Variants in PACRG observed in about 807,000 individuals in gnomAD.
PACRG encodes the protein parkin coregulated gene protein.
PACRG carries 29 observed loss-of-function variants against 29.7 expected under a neutral mutation model. The observed-to-expected ratio is 0.98, with a 90% CI of 0.73 to 1.33. PACRG has a LOEUF of 1.33. Among genes scored for constraint, PACRG ranks in the 40% most tolerant of loss-of-function variants. The pLI is 0.00. For missense variants in PACRG, 279 were observed against 316.2 expected (o/e 0.88, Z 0.89); for synonymous variants, 116 against 118.7 (o/e 0.98, Z 0.15).
At chr6:163,253,248 G>A (rs1339650750) in intron 4 of PACRG, among the ~76,000 whole-genome samples, 1 of 150,494 alleles carries the variant, frequency 6.6e-6, no homozygotes, top group South Asian at 2.1e-4. Context: ...TGCAGTGAGG[G>A]GAGATCGCAC....
chr6:163,270,038 G>A (rs1280124248), intron 4 of PACRG, among the ~76,000 whole-genome samples: 1 of 150,610 alleles, frequency 6.6e-6, no homozygotes, highest in Non-Finnish European at 1.5e-5. Flanking sequence ...AAGGAAGGAA[G>A]AAGAGAGAGA....
intron 2 of PACRG, among the ~76,000 whole-genome samples, chr6:162,871,667 C>T (rs1002358841): frequency 6.6e-6 from 1 of 152,074 alleles, no homozygotes; most frequent in Non-Finnish European, 1.5e-5. Context: ...GCCTGTAATC[C>T]CAGCACTTTG....
At chr6:163,065,438 G>A (rs1173639476) in intron 3 of PACRG, among the ~76,000 whole-genome samples, 1 of 152,132 alleles carries the variant, frequency 6.6e-6, no homozygotes, top group African/African-American at 2.4e-5. Flanking sequence ...CTCCGCATAC[G>A]AAATTCAGAA....
intron 4 of PACRG, among the ~76,000 whole-genome samples, chr6:163,270,332 T>C (rs543066342): frequency 3.3e-5 from 5 of 152,312 alleles, no homozygotes. Context: ...AAAATACATA[T>C]GGCTTACTTA....
chr6:163,125,544 T>C (rs1196774470), intron 4 of PACRG, among the ~76,000 whole-genome samples: 1 of 152,064 alleles, frequency 6.6e-6, no homozygotes, highest in Non-Finnish European at 1.5e-5. Context: ...GACCCCTAAA[T>C]AGCTATAAGA....
chr6:162,958,870 TATA>T (rs1222809498), intron 2 of PACRG, among the ~76,000 whole-genome samples: 2 of 69,468 alleles, frequency 2.9e-5, no homozygotes, highest in Non-Finnish European at 5.2e-5. Flanking sequence ...TATATATATA[TATA>T]TATATATATA....
At position 163,264,534 on chromosome 6, in the gene PACRG, G is replaced by C. The variant is rs551150089; in HGVS notation, c.614-50293G>C. ...CAGCCGAAGTCGTTCAAGGGCGACA[G>C]AGCGGTCACAGGTGTGGTTGAGAAG... is the stretch of plus-strand genomic sequence containing the variant. On this transcript the variant is annotated intron_variant, in intron 4 of 4. Coordinates refer to ENST00000366888, the MANE Select transcript of PACRG (RefSeq NM_001080379.2). Among the ~76,000 whole-genome samples the C allele has an allele frequency of 2.4e-4, 36 of 152,344 alleles. 3 individuals carry two copies. In the South Asian group the frequency reaches 7.5e-3, roughly 32 times the overall value.
At position 162,959,080 on chromosome 6, in the gene PACRG, A is replaced by T. The variant is rs1293563134; in HGVS notation, c.292-103070A>T. On this transcript the variant is annotated intron_variant, in intron 2 of 4. Transcript: ENST00000366888. ...AGGTGCACGACACCATGCCTGGCTAACTTTTTTTTTTTTTTGTAGTGGAGA... is the reference window on the plus strand; with the variant it reads ...AGGTGCACGACACCATGCCTGGCTATCTTTTTTTTTTTTTTGTAGTGGAGA... Among the ~76,000 whole-genome samples the T allele has an allele frequency of 9.2e-5, 10 of 108,356 alleles. 1 individual carries two copies. Among genetic ancestry groups the T allele is most frequent in the African/African-American group, 5.0e-4 (8 of 16,160 alleles). The allele number at this position is 108,356 out of a possible 152,430, so 71.1% of individuals were successfully genotyped here.
intron 4 of PACRG, among the ~76,000 whole-genome samples, chr6:163,119,706 T>A (rs1363654467): frequency 6.6e-6 from 1 of 152,210 alleles, no homozygotes; most frequent in Non-Finnish European, 1.5e-5. Flanking sequence ...GACAATTTAA[T>A]GTTGCATAAA....
intron 4 of PACRG, among the ~76,000 whole-genome samples, chr6:163,238,700 T>C (rs1040263580): frequency 3.9e-5 from 6 of 152,258 alleles, no homozygotes; most frequent in African/African-American, 1.2e-4. Context: ...GTAGTCTTGA[T>C]TCTTAGACTT....
Position 162,732,486 on chromosome 6 carries a change from C to T in PACRG, c.156+4095C>T, listed in dbSNP as rs150777944. On this transcript the variant is annotated intron_variant, in intron 1 of 4. Coordinates refer to ENST00000366888, the MANE Select transcript of PACRG (RefSeq NM_001080379.2). ...AGTCTTTAACTGGTAGCTCTGTGTCCGGCTCAAACTCACAATGTTTTATTA... is the reference window on the plus strand; with the variant it reads ...AGTCTTTAACTGGTAGCTCTGTGTCTGGCTCAAACTCACAATGTTTTATTA... Among the ~76,000 whole-genome samples, 916 of 152,172 alleles carry T rather than the reference C, an allele frequency of 6.0e-3. 7 individuals carry two copies. Among genetic ancestry groups the T allele is most frequent in the South Asian group, 0.013 (64 of 4,800 alleles).
intron 4 of PACRG, among the ~76,000 whole-genome samples, chr6:163,307,035 T>C (rs1785218477): frequency 6.6e-6 from 1 of 152,218 alleles, no homozygotes; most frequent in Non-Finnish European, 1.5e-5. Flanking sequence ...TGCCTTGAAG[T>C]CCAGTATTCT....
intron 2 of PACRG, among the ~76,000 whole-genome samples, chr6:162,854,728 T>C (rs1584552166): frequency 6.6e-6 from 1 of 152,244 alleles, no homozygotes; most frequent in African/African-American, 2.4e-5. Flanking sequence ...GTTTAGTCTG[T>C]GGCTGTACCA....
chr6:162,998,684 A>G (rs1804308275), intron 2 of PACRG, among the ~76,000 whole-genome samples: 1 of 152,192 alleles, frequency 6.6e-6, no homozygotes, highest in African/African-American at 2.4e-5. Context: ...AAATCTGACC[A>G]CTTTGACTTT....
intron 3 of PACRG, among the ~76,000 whole-genome samples, chr6:163,064,647 A>C (rs1003887603): frequency 2.6e-5 from 4 of 152,204 alleles, no homozygotes; most frequent in Non-Finnish European, 5.9e-5. Flanking sequence ...GAAAAATATT[A>C]TGTGCATAAA....
chr6:163,095,191 C>G (rs1814460114), intron 4 of PACRG: 5 of 914,994 alleles, frequency 5.5e-6, no homozygotes, highest in African/African-American at 5.4e-5. Context: ...CCTACACATG[C>G]TTATGAGGTT....
chr6:162,790,220 T>C (rs1204578843), intron 1 of PACRG, among the ~76,000 whole-genome samples: 1 of 152,206 alleles, frequency 6.6e-6, no homozygotes, highest in East Asian at 1.9e-4. Context: ...CGTGGCTGGA[T>C]TGGCAGTTCT....
intron 2 of PACRG, among the ~76,000 whole-genome samples, chr6:162,960,584 A>G (rs1359854677): frequency 6.6e-6 from 1 of 152,206 alleles, no homozygotes; most frequent in Non-Finnish European, 1.5e-5. Flanking sequence ...CATGGGGACA[A>G]CTGATACTGC....
rs561706722 is a variant in PACRG, at chr6:162,912,293, A to G, written c.291+98012A>G. On this transcript the variant is annotated intron_variant, in intron 2 of 4. Transcript: ENST00000366888. ...TCTGCCACTAATAGTGCTGTAAGGCACTTTTTTTGTATATGCTCTCTTATG... is the reference window on the plus strand; with the variant it reads ...TCTGCCACTAATAGTGCTGTAAGGCGCTTTTTTTGTATATGCTCTCTTATG... Among the ~76,000 whole-genome samples the G allele has an allele frequency of 2.2e-3, 333 of 152,230 alleles. 1 individual carries two copies. The highest frequency in any genetic ancestry group is 3.9e-3 in the Non-Finnish European group (268 of 68,014).
Sources: allele counts gnomAD v4.1 joint callset (sites outside exome capture counted in the v4.1 genomes callset), GRCh38; gene constraint gnomAD v4.1.1; transcripts MANE v1.5; gene names NCBI Gene and HGNC (gene_info 2026-07-23, HGNC 2026-07-21).